The following SMURF1 variants were observed in gnomAD, a reference collection of about 807,000 sequenced individuals.
SMURF1 encodes the protein SMAD specific E3 ubiquitin protein ligase 1.
A neutral mutation model predicts 98.0 loss-of-function variants in SMURF1; 44 were observed. The ratio of observed to expected loss-of-function variants is 0.45; its 90% confidence interval spans 0.35 to 0.58. The LOEUF is 0.58. SMURF1 is among the 20% of genes least tolerant of loss of function. The pLI, the probability that SMURF1 is intolerant of heterozygous loss-of-function variation, is 0.00. For missense variants in SMURF1, 687 were observed against 938.4 expected (o/e 0.73, Z 3.50); for synonymous variants, 396 against 374.9 (o/e 1.06, Z -0.65).
intron 1 of SMURF1, among the ~76,000 whole-genome samples, chr7:99,097,906 T>G (rs762554311): frequency 1.3e-5 from 2 of 152,234 alleles, no homozygotes. Flanking sequence ...CAGTGAAGAT[T>G]TGAAGACAGA....
At chr7:99,077,147 T>C (rs1205453469) in intron 1 of SMURF1, among the ~76,000 whole-genome samples, 3 of 151,900 alleles carry the variant, frequency 2.0e-5, no homozygotes, top group African/African-American at 7.2e-5. Context: ...TATGGTATAA[T>C]TTATTTCTCT....
At chr7:99,058,168 G>A (rs1260926415) in intron 3 of SMURF1, among the ~76,000 whole-genome samples, 2 of 151,488 alleles carry the variant, frequency 1.3e-5, no homozygotes, top group Admixed American at 6.6e-5. Context: ...TTTTGCTCTT[G>A]TCGCCCAGGC....
intron 1 of SMURF1, among the ~76,000 whole-genome samples, chr7:99,122,470 C>T (rs1331619539): frequency 2.0e-5 from 3 of 151,780 alleles, no homozygotes; most frequent in African/African-American, 7.3e-5. Flanking sequence ...ATGATGAAAC[C>T]TCATCTCTAC....
chr7:99,089,088 C>A (rs1796745961), intron 1 of SMURF1, among the ~76,000 whole-genome samples: 1 of 151,968 alleles, frequency 6.6e-6, no homozygotes, highest in Non-Finnish European at 1.5e-5. Flanking sequence ...CCTGTAATCC[C>A]AGCTACTCAG....
At chr7:99,053,646 G>A (rs1316700428) in intron 6 of SMURF1, among the ~76,000 whole-genome samples, 3 of 152,140 alleles carry the variant, frequency 2.0e-5, no homozygotes, top group Non-Finnish European at 4.4e-5. Context: ...CCCCATTCTG[G>A]ATGTTTGTTG....
At position 99,027,692 on chromosome 7, in the gene SMURF1, A is replaced by T. The variant is rs968499827; in HGVS notation, c.*2892T>A. On this transcript the variant is annotated 3_prime_UTR_variant, in exon 18 of 18. Coordinates refer to ENST00000361368, the MANE Select transcript of SMURF1 (RefSeq NM_181349.3). Reference sequence around the variant, plus strand: ...ATACTTCAAAACAAGACATTACAAAATAAATTAAAAAATACGTTATAAAGT... The same window carrying T: ...ATACTTCAAAACAAGACATTACAAATTAAATTAAAAAATACGTTATAAAGT... The T allele has an allele frequency of 6.5e-6, 1 of 152,696 alleles. No individual in the cohort carries two copies. The highest frequency in any genetic ancestry group is 1.5e-5 in the Non-Finnish European group (1 of 68,060). 9.5% of individuals were successfully genotyped at this position (152,696 alleles called of 1,614,324 possible).
intron 3 of SMURF1, 115 bp from the exon 4 acceptor site, chr7:99,057,666 G>T: frequency 8.0e-7 from 1 of 1,253,890 alleles, no homozygotes. Flanking sequence ...GTGCAGTTGT[G>T]TGATCTCAGC....
At chr7:99,105,644 T>C (rs1212314969) in intron 1 of SMURF1, among the ~76,000 whole-genome samples, 1 of 152,216 alleles carries the variant, frequency 6.6e-6, no homozygotes, top group African/African-American at 2.4e-5. Context: ...ACCCAGGCAA[T>C]CTAGCTTCAA....
intron 1 of SMURF1, among the ~76,000 whole-genome samples, chr7:99,137,922 C>T (rs957642842): frequency 6.6e-6 from 1 of 152,132 alleles, no homozygotes; most frequent in African/African-American, 2.4e-5. Flanking sequence ...TATGCCCAAG[C>T]CCCATAGCTA....
At position 99,030,535 on chromosome 7, in the gene SMURF1, C is replaced by CT; in HGVS notation, c.*48dup. 5 of 1,510,170 alleles carry CT rather than the reference C, an allele frequency of 3.3e-6. No individual in the cohort carries two copies. The highest frequency in any genetic ancestry group is 1.1e-5 in the South Asian group (1 of 88,514). The allele number at this position is 1,510,170 out of a possible 1,614,324, so 93.5% of individuals were successfully genotyped here. Reference sequence around the variant, plus strand: ...GCAGGAGGTGCACAGAAGCTGGATGCTTTTGGTCTGGTGGCCATGAGCTAG... The same window carrying CT: ...GCAGGAGGTGCACAGAAGCTGGATGCTTTTTGGTCTGGTGGCCATGAGCTAG... On this transcript the variant is annotated 3_prime_UTR_variant, in exon 18 of 18. Transcript: ENST00000361368.
At position 99,027,720 on chromosome 7, in the gene SMURF1, T is replaced by G. The variant is rs534099148; in HGVS notation, c.*2864A>C. 2 of 152,648 alleles carry G rather than the reference T, an allele frequency of 1.3e-5. No individual in the cohort carries two copies. The highest frequency in any genetic ancestry group is 3.9e-4 in the East Asian group (2 of 5,184). 9.5% of individuals were successfully genotyped at this position (152,648 alleles called of 1,614,324 possible). A position where few individuals can be genotyped will look rare whatever the true frequency, so the allele number is the denominator to read the frequency against. ...AATTAAAAAATACGTTATAAAGTGG[T>G]TGAGAAACAAAAATAAACACATTTT... is the stretch of plus-strand genomic sequence containing the variant. On this transcript the variant is annotated 3_prime_UTR_variant, in exon 18 of 18. Transcript: ENST00000361368.
rs2150665966 is a variant in SMURF1 at position 99,143,897 on chromosome 7, A to G, written c.-117T>C. On this transcript the variant is annotated 5_prime_UTR_variant, in exon 1 of 18. Transcript: ENST00000361368. ...GCTCCGGGCTGGGCGCCGGGGTCCG[A>G]GCCGGGACACAAACTCCGCGGCCCA... 1 of 921,246 alleles carries G rather than the reference A, an allele frequency of 1.1e-6. No individual in the cohort carries two copies. The highest frequency in any genetic ancestry group is 1.5e-6 in the Non-Finnish European group (1 of 674,088). 57.1% of individuals were successfully genotyped at this position (921,246 alleles called of 1,614,324 possible).
At chr7:99,136,321 T>C (rs912406941) in intron 1 of SMURF1, among the ~76,000 whole-genome samples, 1 of 152,262 alleles carries the variant, frequency 6.6e-6, no homozygotes, top group South Asian at 2.1e-4. Flanking sequence ...CTTTTCCTAA[T>C]TGATTTTGAA....
At chr7:99,106,334 T>C (rs187368374) in intron 1 of SMURF1, among the ~76,000 whole-genome samples, 166 of 152,356 alleles carry the variant, frequency 1.1e-3, no homozygotes, top group Non-Finnish European at 2.0e-3. Flanking sequence ...ATGAAACTAC[T>C]ATAAGCCCCC....
At chr7:99,140,851 T>G (rs559329898) in intron 1 of SMURF1, among the ~76,000 whole-genome samples, 1 of 152,156 alleles carries the variant, frequency 6.6e-6, no homozygotes, top group East Asian at 1.9e-4. Context: ...GTAACAAAAG[T>G]ATTCAAATTT....
intron 13 of SMURF1, among the ~76,000 whole-genome samples, chr7:99,039,193 CAAAAAAAAAAAAA>C (rs34106810): frequency 9.3e-4 from 56 of 60,496 alleles, no homozygotes; most frequent in Admixed American, 1.2e-3. Context: ...GACTCTGTCT[CAAAAAAAAAAAAA>C]AAAAAAAAAA....
intron 1 of SMURF1, among the ~76,000 whole-genome samples, chr7:99,071,845 AG>A (rs1251068951): frequency 6.6e-6 from 1 of 152,106 alleles, no homozygotes; most frequent in African/African-American, 2.4e-5. Flanking sequence ...AGGCTGAGGC[AG>A]GAAGATTCCT....
At chr7:99,079,754 T>C (rs1007157468) in intron 1 of SMURF1, among the ~76,000 whole-genome samples, 6 of 151,934 alleles carry the variant, frequency 3.9e-5, no homozygotes, top group Non-Finnish European at 8.8e-5. Context: ...AAAGAGAAAG[T>C]CAAAGTAGAA....
chr7:99,035,419 C>A, intron 16 of SMURF1, 96 bp downstream of exon 16: 1 of 1,371,758 alleles, frequency 7.3e-7, no homozygotes, highest in Non-Finnish European at 1.0e-6. Context: ...TTTTCTAGCA[C>A]ACATCTCAGA....
Sources: allele counts gnomAD v4.1 joint callset (sites outside exome capture counted in the v4.1 genomes callset), GRCh38; gene constraint gnomAD v4.1.1; transcripts MANE v1.5; gene names NCBI Gene and HGNC (gene_info 2026-07-23, HGNC 2026-07-21).